Variants in NFATC3 observed in about 807,000 individuals in gnomAD.
NFATC3 encodes nuclear factor of activated T cells 3, also known as nuclear factor of activated T-cells, cytoplasmic 3.
A neutral mutation model predicts 98.6 loss-of-function variants in NFATC3; 46 were observed. That is an observed-to-expected ratio of 0.47 (90% CI 0.37 to 0.60). NFATC3 has a LOEUF of 0.60. NFATC3 is among the 20% of genes least tolerant of loss of function. The probability of loss-of-function intolerance (pLI) is 0.00; values close to 1 mark genes in which losing one functional copy is unlikely to be tolerated. For synonymous variants in NFATC3, 512 were observed against 472.2 expected (o/e 1.08, Z -1.09); for missense variants, 1,256 against 1,295.5 (o/e 0.97, Z 0.47).
chr16:68,205,941 A>C (rs906995640), intron 9 of NFATC3, among the ~76,000 whole-genome samples: 1 of 150,870 alleles, frequency 6.6e-6, no homozygotes, highest in South Asian at 2.1e-4. Flanking sequence ...TCTACTGCCC[A>C]GGCTGGAGTA....
intron 8 of NFATC3, among the ~76,000 whole-genome samples, chr16:68,183,776 G>C (rs915056063): frequency 6.6e-6 from 1 of 152,066 alleles, no homozygotes; most frequent in African/African-American, 2.4e-5. Flanking sequence ...GGCCGAGGCG[G>C]GAGGATCACC....
At chr16:68,138,995 C>T (rs959254150) in intron 3 of NFATC3, among the ~76,000 whole-genome samples, 4 of 152,022 alleles carry the variant, frequency 2.6e-5, no homozygotes, top group African/African-American at 7.2e-5. Flanking sequence ...TTTACTTATT[C>T]GATATGTATT....
chr16:68,101,999 T>G (rs1273447379), intron 1 of NFATC3, among the ~76,000 whole-genome samples: 1 of 152,148 alleles, frequency 6.6e-6, no homozygotes, highest in Non-Finnish European at 1.5e-5. Context: ...ATTTGTTTCT[T>G]TGCAACTCAT....
Position 68,191,596 on chromosome 16 carries a change from C to T in NFATC3, c.2927C>T (p.Thr976Ile). 1 of 1,614,158 alleles carries T rather than the reference C, an allele frequency of 6.2e-7. No individual in the cohort carries two copies. Among genetic ancestry groups the T allele is most frequent in the Non-Finnish European group, 8.5e-7 (1 of 1,180,028 alleles). ...AGAATGCATTCTGGACAGCACTCAA[C>T]TCAAGCACAAAGTACGGGCCAGGGG... ...ATRMHSGQHS[T>I]QAQSTGQGGL... Residue 976 changes from threonine to isoleucine, a missense_variant, in exon 9 of 10, where the codon ACT (threonine) becomes ATT (isoleucine). By Grantham distance (89) the Thr-to-Ile change is moderately conservative. Coordinates refer to ENST00000346183, the MANE Select transcript of NFATC3 (RefSeq NM_173165.3).
intron 3 of NFATC3, among the ~76,000 whole-genome samples, chr16:68,139,834 G>A (rs756010213): frequency 6.6e-6 from 1 of 152,164 alleles, no homozygotes; most frequent in Non-Finnish European, 1.5e-5. Flanking sequence ...ATTGTCCATT[G>A]AGACTTGCAA....
At chr16:68,190,563 T>C (rs1053330972) in intron 8 of NFATC3, among the ~76,000 whole-genome samples, 4 of 152,194 alleles carry the variant, frequency 2.6e-5, no homozygotes, top group Non-Finnish European at 5.9e-5. Context: ...ATTCATATTA[T>C]ACAGAAGCAA....
intron 9 of NFATC3, among the ~76,000 whole-genome samples, chr16:68,213,549 C>A (rs544570508): frequency 6.6e-6 from 1 of 152,098 alleles, no homozygotes; most frequent in East Asian, 1.9e-4. Flanking sequence ...CTCCTCCAGG[C>A]GGGCATGGTG....
intron 1 of NFATC3, among the ~76,000 whole-genome samples, chr16:68,103,196 A>G (rs1426673740): frequency 1.5e-5 from 2 of 134,648 alleles, no homozygotes. Flanking sequence ...TTTTTATTTT[A>G]TTATTATTAT....
chr16:68,172,214 G>C (rs1458614701), intron 5 of NFATC3, among the ~76,000 whole-genome samples: 1 of 152,258 alleles, frequency 6.6e-6, no homozygotes, highest in South Asian at 2.1e-4. Context: ...TACTTTTGTG[G>C]CTAGGTATTA....
At position 68,226,310 on chromosome 16, in the gene NFATC3, T is replaced by C. The variant is rs186803953; in HGVS notation, c.3107-40T>C. The C allele has an allele frequency of 2.5e-5, 38 of 1,549,648 alleles. No homozygotes were observed. The African/African-American group carries it at 5.1e-4, about 21-fold the overall frequency. On this transcript the variant is annotated intron_variant, in intron 9 of 9. Transcript: ENST00000346183. ...CGTTGGGCATCATATGGCTAATCAC[T>C]CAGAGGTCACTAATCACTCTCCCTT...
chr16:68,137,249 A>G lies in NFATC3; in HGVS notation c.1401+10639A>G, dbSNP rs566104004. On this transcript the variant is annotated intron_variant, in intron 3 of 9. Coordinates refer to ENST00000346183, the MANE Select transcript of NFATC3 (RefSeq NM_173165.3). ...ATCCTTATTCCATAAACATTTTTCT[A>G]TGTTCAAATTTTTTATTTTTTATTT... 7.9e-5 allele frequency among the ~76,000 whole-genome samples: 12 copies of G among 152,224 alleles called. No individual in the cohort carries two copies. In the East Asian group the frequency reaches 1.5e-3, roughly 20 times the overall value.
intron 9 of NFATC3, among the ~76,000 whole-genome samples, chr16:68,211,360 G>T (rs2041382492): frequency 6.6e-6 from 1 of 151,296 alleles, no homozygotes; most frequent in African/African-American, 2.4e-5. Context: ...GCTAATTTTT[G>T]TATTTTTAGT....
At chr16:68,182,820 C>T (rs2040005882) in intron 7 of NFATC3, among the ~76,000 whole-genome samples, 1 of 152,020 alleles carries the variant, frequency 6.6e-6, no homozygotes, top group Admixed American at 6.6e-5. Context: ...CACCTGGCTC[C>T]AGTTTAGAAC....
chr16:68,122,849 C>T lies in NFATC3; in HGVS notation c.966C>T (p.Gly322=). 1 of 1,614,220 alleles carries T rather than the reference C, an allele frequency of 6.2e-7. No homozygotes were observed. The highest frequency in any genetic ancestry group is 8.5e-7 in the Non-Finnish European group (1 of 1,180,032). ...NASVHGGSGL[G]PAVFPFQYCV... is the part of the protein sequence containing the mutation. ...CTGTCCATGGTGGGTCAGGCCTTGG[C>T]CCTGCAGTTTTTCCATTTCAGTACT... The change falls in exon 2 of 10, where the codon GGC becomes GGT. Residue 322 remains glycine, a synonymous_variant. Transcript: ENST00000346183.
At position 68,088,982 on chromosome 16, in the gene NFATC3, G is replaced by T. The variant is rs540468500; in HGVS notation, c.103+3198G>T. On this transcript the variant is annotated intron_variant, in intron 1 of 9. Transcript: ENST00000346183. Reference sequence around the variant, plus strand: ...ATAGCCCCTATATTTTGTTAAATAAGTGAATAAATAACACCTAAGTTTTGA... The same window carrying T: ...ATAGCCCCTATATTTTGTTAAATAATTGAATAAATAACACCTAAGTTTTGA... 6 of 985,426 alleles carry T rather than the reference G, an allele frequency of 6.1e-6. No homozygotes were observed. In the African/African-American group the frequency reaches 8.7e-5, roughly 14 times the overall value. The allele number at this position is 985,426 out of a possible 1,614,324, so 61.0% of individuals were successfully genotyped here. A position where few individuals can be genotyped will look rare whatever the true frequency, so the allele number is the denominator to read the frequency against.
At chr16:68,160,691 A>AT (rs1216046356) in intron 4 of NFATC3, among the ~76,000 whole-genome samples, 1 of 146,524 alleles carries the variant, frequency 6.8e-6, no homozygotes, top group East Asian at 2.0e-4. Context: ...CTCTACTCTT[A>AT]AATTTTTTTT....
rs1464360584 is a variant in NFATC3 at position 68,183,372 on chromosome 16, A to G, written c.2098+6A>G. On this transcript the variant is annotated splice_donor_region_variant and intron_variant, in intron 8 of 9. Transcript: ENST00000346183. ...ACGTTTTACTTATACACCAGGTACG[A>G]GGAGTCATGATGGTTTACTATAGAG... The G allele has an allele frequency of 1.2e-6, 2 of 1,610,952 alleles. No homozygotes were observed. The highest frequency in any genetic ancestry group is 8.5e-7 in the Non-Finnish European group (1 of 1,179,908).
At chr16:68,097,211 T>G (rs2035064593) in intron 1 of NFATC3, among the ~76,000 whole-genome samples, 1 of 152,228 alleles carries the variant, frequency 6.6e-6, no homozygotes, top group Non-Finnish European at 1.5e-5. Flanking sequence ...GTGATTCATT[T>G]TAATAAAATG....
intron 3 of NFATC3, among the ~76,000 whole-genome samples, chr16:68,130,005 A>G (rs755152580): frequency 1.3e-5 from 2 of 152,054 alleles, no homozygotes; most frequent in Admixed American, 6.6e-5. Context: ...GTGGTGGGAT[A>G]GTATTCAATT....
Sources: allele counts gnomAD v4.1 joint callset (sites outside exome capture counted in the v4.1 genomes callset), GRCh38; gene constraint gnomAD v4.1.1; transcripts MANE v1.5; gene names NCBI Gene and HGNC (gene_info 2026-07-23, HGNC 2026-07-21).